The following MCPH1 variants were observed in gnomAD, a reference collection of about 807,000 sequenced individuals.
The protein encoded by MCPH1 is microcephalin 1.
Under a neutral mutation model 84.5 loss-of-function variants are expected in MCPH1, and 104 were observed. The ratio of observed to expected loss-of-function variants is 1.23; its 90% CI spans 1.05 to 1.45. The LOEUF (loss-of-function observed/expected upper bound fraction) is 1.45, where lower values mean the gene tolerates loss of function less well. Ranked by LOEUF, MCPH1 falls within the 40% of genes most tolerant of loss-of-function variation. The pLI is 0.00. For missense variants in MCPH1, 1,498 were observed against 1,005.7 expected (o/e 1.49, Z -6.62); for synonymous variants, 514 against 366.8 (o/e 1.40, Z -4.58).
chr8:6,531,221 C>G (rs1389685404), intron 12 of MCPH1, among the ~76,000 whole-genome samples: 1 of 151,792 alleles, frequency 6.6e-6, no homozygotes, highest in Non-Finnish European at 1.5e-5. Context: ...TAGCATGTCT[C>G]TCGGTGAATT....
At chr8:6,531,762 C>T (rs1010544519) in intron 12 of MCPH1, among the ~76,000 whole-genome samples, 2 of 150,668 alleles carry the variant, frequency 1.3e-5, no homozygotes, top group Non-Finnish European at 3.0e-5. Flanking sequence ...TAGTGGCGGA[C>T]CTGGAGCCAT....
chr8:6,484,154 A>G (rs1296957839), intron 11 of MCPH1, among the ~76,000 whole-genome samples: 2 of 152,246 alleles, frequency 1.3e-5, no homozygotes, highest in Non-Finnish European at 2.9e-5. Flanking sequence ...TGCAAATCTT[A>G]TATCTGACAA....
intron 12 of MCPH1, among the ~76,000 whole-genome samples, chr8:6,611,721 C>T (rs550471119): frequency 9.2e-5 from 14 of 152,304 alleles, no homozygotes; most frequent in Non-Finnish European, 1.8e-4. Context: ...CGGGTTCTCG[C>T]CATTCTCCTG....
At chr8:6,549,007 G>T (rs1339884318) in intron 12 of MCPH1, among the ~76,000 whole-genome samples, 1 of 152,184 alleles carries the variant, frequency 6.6e-6, no homozygotes, top group East Asian at 1.9e-4. Context: ...AGTTGGTTCT[G>T]GGCATCACGG....
At chr8:6,456,888 G>A (rs919761992) in intron 9 of MCPH1, among the ~76,000 whole-genome samples, 7 of 152,146 alleles carry the variant, frequency 4.6e-5, no homozygotes, top group African/African-American at 7.2e-5. Flanking sequence ...CATCCTGGGC[G>A]GGAGTGTGGC....
intron 8 of MCPH1, among the ~76,000 whole-genome samples, chr8:6,451,158 C>G (rs937162234): frequency 6.6e-6 from 1 of 152,152 alleles, no homozygotes; most frequent in African/African-American, 2.4e-5. Flanking sequence ...ATTAAGAACC[C>G]CCTTTCCCAT....
rs200686368 is a variant in MCPH1 at position 6,513,867 on chromosome 8, C to G, written c.2214+13938C>G. The G allele has an allele frequency of 3.1e-5, 49 of 1,579,880 alleles. No individual in the cohort carries two copies. The Middle Eastern group carries it at 5.1e-4, about 16-fold the overall frequency. ...TCCCTGTAATGCAAGTTGTTAAATT[C>G]AATTATTTCATGTAATTTTTTCTTT... On this transcript the variant is annotated intron_variant, in intron 12 of 13. Transcript: ENST00000344683.
intron 3 of MCPH1, among the ~76,000 whole-genome samples, chr8:6,427,368 C>G (rs149102919): frequency 6.6e-6 from 1 of 152,170 alleles, no homozygotes; most frequent in African/African-American, 2.4e-5. Flanking sequence ...ACTGTATTAA[C>G]TGATACTATA....
chr8:6,560,616 C>T lies in MCPH1; in HGVS notation c.2214+60687C>T, dbSNP rs151150849. Among the ~76,000 whole-genome samples the T allele has an allele frequency of 3.2e-4, 48 of 152,300 alleles. No individual in the cohort carries two copies. The East Asian group carries it at 9.1e-3, about 29-fold the overall frequency. ...GTGAAAAGATAAACATTAAGTCATT[C>T]TTGGGGAAACGGTATTTAGCTAGAC... On this transcript the variant is annotated intron_variant, in intron 12 of 13. Transcript: ENST00000344683.
chr8:6,534,731 C>G (rs1159967359), intron 12 of MCPH1, among the ~76,000 whole-genome samples: 1 of 152,236 alleles, frequency 6.6e-6, no homozygotes, highest in African/African-American at 2.4e-5. Context: ...TGTGAAGAGT[C>G]TGAAATCTTA....
chr8:6,426,451 A>G (rs928140497), intron 3 of MCPH1, among the ~76,000 whole-genome samples: 4 of 152,200 alleles, frequency 2.6e-5, no homozygotes, highest in Non-Finnish European at 5.9e-5. Context: ...TCCAGCGTGT[A>G]CTATTTTGTG....
At chr8:6,550,946 GTTT>G (rs1823540902) in intron 12 of MCPH1, among the ~76,000 whole-genome samples, 1 of 152,168 alleles carries the variant, frequency 6.6e-6, no homozygotes, top group South Asian at 2.1e-4. Context: ...GCCTCTCTCT[GTTT>G]TGACCTTCTC....
intron 9 of MCPH1, among the ~76,000 whole-genome samples, chr8:6,456,287 C>T (rs1286687093): frequency 6.6e-6 from 1 of 152,170 alleles, no homozygotes; most frequent in African/African-American, 2.4e-5. Flanking sequence ...ACCTGCTCTA[C>T]AATGGCGTTG....
rs372088330 is a variant in MCPH1, at chr8:6,414,795, C to G, written c.145C>G (p.His49Asp). Residue 49 changes from histidine to aspartate, a missense_variant, in exon 3 of 14, where the codon CAC becomes GAC. By Grantham distance (81) the His-to-Asp change is moderately conservative. Coordinates refer to ENST00000344683, the MANE Select transcript of MCPH1 (RefSeq NM_024596.5). ...VSKTFNKQVT[H>D]VIFKDGYQST... ...AAAAACTTTTAACAAACAAGTAACT[C>G]ACGTTATCTTCAAAGATGGCTACCA... 6 of 1,613,650 alleles carry G rather than the reference C, an allele frequency of 3.7e-6. No homozygotes were observed. Among genetic ancestry groups the G allele is most frequent in the Non-Finnish European group, 5.1e-6 (6 of 1,179,866 alleles).
intron 12 of MCPH1, among the ~76,000 whole-genome samples, chr8:6,601,597 T>C (rs4841349): frequency 0.37 from 53,611 of 146,246 alleles, 9,651 homozygotes; most frequent in African/African-American, 0.4. Context: ...CCACCAGAAA[T>C]ACACACACCA....
In MCPH1 at chr8:6,477,617, A is replaced by G. The variant is rs1357517402; in HGVS notation, c.1959A>G (p.Thr653=). Residue 653 remains threonine (T), a synonymous_variant, in exon 10 of 14, where the codon ACA becomes ACG. Coordinates refer to ENST00000344683, the MANE Select transcript of MCPH1 (RefSeq NM_024596.5). Reference sequence around the variant, plus strand: ...AGCCAACAAGAACATTAGTCATGACAAGCATGCCATCTGAGTAAGTACTTG... The same window carrying G: ...AGCCAACAAGAACATTAGTCATGACGAGCATGCCATCTGAGTAAGTACTTG... ...GKKPTRTLVM[T]SMPSEKQNVV... 1 of 1,613,046 alleles carries G rather than the reference A, an allele frequency of 6.2e-7. No individual in the cohort carries two copies. Among genetic ancestry groups the G allele is most frequent in the Non-Finnish European group, 8.5e-7 (1 of 1,179,284 alleles).
At chr8:6,526,174 C>A (rs892406002) in intron 12 of MCPH1, among the ~76,000 whole-genome samples, 10 of 147,888 alleles carry the variant, frequency 6.8e-5, no homozygotes, top group African/African-American at 2.5e-4. Flanking sequence ...AATCCCAGCA[C>A]TTTAGGATGC....
rs397939642 is a variant in MCPH1, at chr8:6,605,713, T to TA, written c.2215-15740dup. On this transcript the variant is annotated intron_variant, in intron 12 of 13. Transcript: ENST00000344683. ...ACATTATTTTTGTAATCTTTTTTTTTATGACACAGAGTCTCACTCTGTCAC... is the reference window on the plus strand; with the variant it reads ...ACATTATTTTTGTAATCTTTTTTTTTAATGACACAGAGTCTCACTCTGTCAC... Among the ~76,000 whole-genome samples, 311 of 152,034 alleles carry TA rather than the reference T, an allele frequency of 2.0e-3. 1 individual carries two copies. Among genetic ancestry groups the TA allele is most frequent in the Non-Finnish European group, 3.5e-3 (241 of 67,936 alleles).
At chr8:6,556,021 A>G (rs1329948419) in intron 12 of MCPH1, among the ~76,000 whole-genome samples, 4 of 152,154 alleles carry the variant, frequency 2.6e-5, no homozygotes, top group Non-Finnish European at 4.4e-5. Flanking sequence ...GGGACTTGGT[A>G]TCTCAGGCCT....
Sources: allele counts gnomAD v4.1 joint callset (sites outside exome capture counted in the v4.1 genomes callset), GRCh38; gene constraint gnomAD v4.1.1; transcripts MANE v1.5; gene names NCBI Gene and HGNC (gene_info 2026-07-23, HGNC 2026-07-21).